GAS7: variants seen among roughly 807,000 people sequenced by gnomAD.
GAS7 encodes the protein growth arrest specific 7.
A neutral mutation model predicts 71.1 loss-of-function variants in GAS7; 28 were observed. The ratio of observed to expected loss-of-function variants is 0.39; its 90% CI spans 0.29 to 0.54. The LOEUF (loss-of-function observed/expected upper bound fraction) is 0.54, where lower values mean the gene tolerates loss of function less well. GAS7 is among the 20% of genes least tolerant of loss of function. The pLI is 0.62. For synonymous variants in GAS7, 258 were observed against 245.8 expected, an observed-to-expected ratio of 1.05 and a Z score of -0.46; for missense variants, 436 against 627.8, an observed-to-expected ratio of 0.69 and a Z score of 3.27.
intron 1 of GAS7, among the ~76,000 whole-genome samples, chr17:10,141,499 C>T (rs542487197): frequency 6.6e-6 from 1 of 152,198 alleles, no homozygotes; most frequent in Non-Finnish European, 1.5e-5. Context: ...AAGAGACACA[C>T]CCAGATTCCC....
intron 1 of GAS7, among the ~76,000 whole-genome samples, chr17:10,046,081 T>C (rs2072950622): frequency 6.6e-6 from 1 of 152,188 alleles, no homozygotes; most frequent in South Asian, 2.1e-4. Context: ...AAACACTGTC[T>C]CTGGCTACAC....
chr17:9,960,199 T>A (rs2069425901), intron 4 of GAS7, among the ~76,000 whole-genome samples: 1 of 151,924 alleles, frequency 6.6e-6, no homozygotes, highest in Non-Finnish European at 1.5e-5. Flanking sequence ...ATTCTTTTTT[T>A]TTTTTTTTAA....
At chr17:10,153,038 C>CAAAAAAAAA (rs397857973) in intron 1 of GAS7, among the ~76,000 whole-genome samples, 9 of 75,932 alleles carry the variant, frequency 1.2e-4, no homozygotes, top group East Asian at 3.2e-4. Context: ...ACTAAAAATA[C>CAAAAAAAAA]AAAAAAAAAA....
At chr17:9,950,213 T>C (rs1458469732) in intron 5 of GAS7, among the ~76,000 whole-genome samples, 4 of 152,106 alleles carry the variant, frequency 2.6e-5, no homozygotes, top group African/African-American at 9.7e-5. Flanking sequence ...ACATTATCTA[T>C]GTAAGATTCC....
At chr17:10,132,918 C>G (rs958122452) in intron 1 of GAS7, among the ~76,000 whole-genome samples, 1 of 151,940 alleles carries the variant, frequency 6.6e-6, no homozygotes, top group Non-Finnish European at 1.5e-5. Context: ...CCGACCTCCA[C>G]CCCAACATCC....
At chr17:10,096,679 G>A (rs2073644596) in intron 1 of GAS7, among the ~76,000 whole-genome samples, 2 of 152,234 alleles carry the variant, frequency 1.3e-5, no homozygotes, top group African/African-American at 4.8e-5. Context: ...TCCATTTCAT[G>A]GGGCTTCATC....
intron 1 of GAS7, among the ~76,000 whole-genome samples, chr17:10,030,820 C>T (rs1262208076): frequency 6.6e-6 from 1 of 152,212 alleles, no homozygotes; most frequent in Non-Finnish European, 1.5e-5. Flanking sequence ...TCATCAGCAC[C>T]TCGCTGGCTT....
At chr17:9,937,852 C>T (rs917144064) in intron 8 of GAS7, among the ~76,000 whole-genome samples, 4 of 152,162 alleles carry the variant, frequency 2.6e-5, no homozygotes, top group East Asian at 1.9e-4. Flanking sequence ...GAGGTCAGAA[C>T]GGAGAGGACC....
rs2069391411 is a variant in GAS7 at position 9,959,486 on chromosome 17, T to C, written c.472-231A>G. The C allele has an allele frequency of 5.0e-6, 7 of 1,395,998 alleles. No individual in the cohort carries two copies. The highest frequency in any genetic ancestry group is 3.1e-5 in the Admixed American group (1 of 32,270). 86.5% of individuals were successfully genotyped at this position (1,395,998 alleles called of 1,614,324 possible). On this transcript the variant is annotated intron_variant, in intron 4 of 13. Coordinates refer to ENST00000432992, the MANE Select transcript of GAS7 (RefSeq NM_201433.2). The surrounding 1 kb of genome is among the most constrained non-coding windows in gnomAD (Gnocchi z 5.0). ...TTAAGGAAGCCTCCTGCACAGGCTC[T>C]GAGAGAACTGCTCCAAACCAGGTCT... is the stretch of plus-strand genomic sequence containing the variant.
At chr17:10,048,705 G>A (rs12453534) in intron 1 of GAS7, among the ~76,000 whole-genome samples, 4,548 of 152,312 alleles carry the variant, frequency 0.03, 198 homozygotes, top group East Asian at 0.1. Flanking sequence ...AGTATTTCAA[G>A]TGAAAGAAAT....
intron 1 of GAS7, among the ~76,000 whole-genome samples, chr17:10,043,978 T>C (rs1270470386): frequency 6.6e-6 from 1 of 152,170 alleles, no homozygotes; most frequent in Non-Finnish European, 1.5e-5. Flanking sequence ...ACACCTACAG[T>C]ACTGTACTGT....
At position 10,057,446 on chromosome 17, in the gene GAS7, A is replaced by AC. The variant is rs1308043336; in HGVS notation, c.184-37550dup. Among the ~76,000 whole-genome samples, 76 of 128,888 alleles carry AC rather than the reference A, an allele frequency of 5.9e-4. 1 individual carries two copies. The highest frequency in any genetic ancestry group is 1.1e-3 in the Non-Finnish European group (65 of 60,538). 84.6% of individuals were successfully genotyped at this position (128,888 alleles called of 152,430 possible). A position where few individuals can be genotyped will look rare whatever the true frequency, so the allele number is the denominator to read the frequency against. ...TGGGGAGCGCCTCTGCCGGGCCGCG[A>AC]CCCCGTCTGGGAGGTGAGGAGCGTC... is the stretch of plus-strand genomic sequence containing the variant. On this transcript the variant is annotated intron_variant, in intron 1 of 13. Transcript: ENST00000432992.
chr17:10,011,905 G>A lies in GAS7; in HGVS notation c.304+7872C>T, dbSNP rs1418780609. Among the ~76,000 whole-genome samples, 5 of 152,010 alleles carry A rather than the reference G, an allele frequency of 3.3e-5. No individual in the cohort carries two copies. In the East Asian group the frequency reaches 9.7e-4, roughly 29 times the overall value. On this transcript the variant is annotated intron_variant, in intron 2 of 13. Coordinates refer to ENST00000432992, the MANE Select transcript of GAS7 (RefSeq NM_201433.2). ...GCAGGAGAATCGCTTGAACCTGGGAGGTGGAGGTTGTGTGGGCCGAGATTG... is the reference window on the plus strand; with the variant it reads ...GCAGGAGAATCGCTTGAACCTGGGAAGTGGAGGTTGTGTGGGCCGAGATTG...
intron 8 of GAS7, among the ~76,000 whole-genome samples, chr17:9,939,743 G>C (rs537813554): frequency 1.3e-5 from 2 of 152,206 alleles, no homozygotes; most frequent in South Asian, 4.1e-4. Context: ...CCAAGTAGCT[G>C]GGACTACAGG....
rs533074186 is a variant in GAS7, at chr17:10,065,041, C to T, written c.184-45144G>A. 3.9e-5 allele frequency among the ~76,000 whole-genome samples: 6 copies of T among 152,254 alleles called. No homozygotes were observed. The South Asian group carries it at 1.2e-3, about 32-fold the overall frequency. On this transcript the variant is annotated intron_variant, in intron 1 of 13. Transcript: ENST00000432992. ...CTCACTACGTTGCTGAGGCTGGTCT[C>T]AAACTCCTGGGCTCAAGTGATTCTT...
chr17:10,123,753 A>G (rs1022828156), intron 1 of GAS7, among the ~76,000 whole-genome samples: 3 of 152,224 alleles, frequency 2.0e-5, no homozygotes. Context: ...GGCTGGAGGA[A>G]TCAAGGCAGG....
intron 1 of GAS7, among the ~76,000 whole-genome samples, chr17:10,040,034 C>G (rs1005800630): frequency 6.6e-6 from 1 of 152,214 alleles, no homozygotes; most frequent in African/African-American, 2.4e-5. Context: ...CAATCTGCTG[C>G]AGGAGTGGCT....
At chr17:10,089,518 TAAAAAA>T (rs55650323) in intron 1 of GAS7, among the ~76,000 whole-genome samples, 2 of 144,372 alleles carry the variant, frequency 1.4e-5, no homozygotes, top group East Asian at 4.1e-4. Context: ...GAGAACACAG[TAAAAAA>T]AAAAAAAAAG....
intron 1 of GAS7, among the ~76,000 whole-genome samples, chr17:10,152,890 C>T (rs552191109): frequency 6.6e-6 from 1 of 152,164 alleles, no homozygotes; most frequent in African/African-American, 2.4e-5. Context: ...ATTTCTTACA[C>T]TTCTTCAGAA....
Sources: gnomAD v4.1 joint callset for allele counts (sites outside exome capture counted in the v4.1 genomes callset) on GRCh38, gnomAD v4.1.1 for gene constraint, Gnocchi (gnomAD v3.1) non-coding constraint, MANE v1.5 for transcripts, NCBI Gene and HGNC (gene_info 2026-07-23, HGNC 2026-07-21) for gene names.